Variants in ME3 observed in about 807,000 individuals in gnomAD.
ME3 encodes the protein malic enzyme 3.
In ME3, 48 loss-of-function variants were observed where a neutral mutation model predicts 68.9. The ratio of observed to expected loss-of-function variants is 0.70; its 90% CI spans 0.55 to 0.89. The LOEUF is 0.89. Among genes scored for constraint, ME3 ranks in the 40% least tolerant of loss-of-function variants. ME3 has a pLI of 0.00. For missense variants in ME3, 675 were observed against 797.4 expected, an observed-to-expected ratio of 0.85 and a Z score of 1.85; for synonymous variants, 320 against 318.8, an observed-to-expected ratio of 1.00 and a Z score of -0.04.
chr11:86,553,940 C>T (rs1407998639), intron 4 of ME3, among the ~76,000 whole-genome samples: 1 of 152,098 alleles, frequency 6.6e-6, no homozygotes, highest in East Asian at 1.9e-4. Flanking sequence ...TGGCTTGGGC[C>T]CTGGCTTTGC....
At chr11:86,531,580 CAA>C (rs1265131897) in intron 4 of ME3, among the ~76,000 whole-genome samples, 4 of 152,128 alleles carry the variant, frequency 2.6e-5, no homozygotes, top group Non-Finnish European at 5.9e-5. Context: ...TTCAGAATAG[CAA>C]AGACTTGGAA....
At chr11:86,613,178 T>G (rs1942715346) in intron 2 of ME3, among the ~76,000 whole-genome samples, 1 of 152,230 alleles carries the variant, frequency 6.6e-6, no homozygotes, top group Non-Finnish European at 1.5e-5. Context: ...CTTTCCCCAT[T>G]GCTTATTTTT....
Position 86,508,870 on chromosome 11 carries a change from A to G in ME3, c.468-3T>C, listed in dbSNP as rs765799646. ...CATGAATGGTGATGAACAGTCCACT[A>G]AAAGAAATAAAACACGTACACACAG... On this transcript the variant is annotated splice_region_variant and splice_polypyrimidine_tract_variant and intron_variant, in intron 4 of 14. Transcript: ENST00000543262. The G allele has an allele frequency of 1.9e-6, 3 of 1,610,422 alleles. No individual in the cohort carries two copies. The highest frequency in any genetic ancestry group is 2.2e-5 in the South Asian group (2 of 91,006).
At chr11:86,437,639 G>A (rs1407995524), downstream of ME3, among the ~76,000 whole-genome samples, 1 of 152,056 alleles carries the variant, frequency 6.6e-6, no homozygotes, top group Non-Finnish European at 1.5e-5. Flanking sequence ...ATTTCTATCA[G>A]CAATGTTTTG....
At chr11:86,580,640 TGTC>T (rs1266869045) in intron 2 of ME3, among the ~76,000 whole-genome samples, 1 of 152,210 alleles carries the variant, frequency 6.6e-6, no homozygotes, top group Non-Finnish European at 1.5e-5. Context: ...ATTTCAGTTT[TGTC>T]CTTCTGCCAC....
intron 4 of ME3, among the ~76,000 whole-genome samples, chr11:86,544,165 G>A (rs1019285677): frequency 2.0e-5 from 3 of 152,178 alleles, no homozygotes; most frequent in Admixed American, 6.5e-5. Context: ...GGTGTTTAGA[G>A]GGAAACTTAT....
At chr11:86,650,686 AT>A (rs1184810879) in intron 2 of ME3, among the ~76,000 whole-genome samples, 1 of 152,014 alleles carries the variant, frequency 6.6e-6, no homozygotes, top group Non-Finnish European at 1.5e-5. Flanking sequence ...AAGATGAATG[AT>A]TTATGCATTT....
intron 5 of ME3, among the ~76,000 whole-genome samples, chr11:86,504,166 G>A (rs1952907260): frequency 6.6e-6 from 1 of 152,024 alleles, no homozygotes; most frequent in African/African-American, 2.4e-5. Context: ...TTGATTCAGA[G>A]GCTCCTCTGA....
chr11:86,502,757 G>A (rs755197527), intron 5 of ME3, among the ~76,000 whole-genome samples: 3 of 152,156 alleles, frequency 2.0e-5, no homozygotes, highest in Non-Finnish European at 4.4e-5. Flanking sequence ...CTGTCTCTCT[G>A]ATGGCTCAGG....
At chr11:86,564,397 G>C (rs1274714675) in intron 2 of ME3, among the ~76,000 whole-genome samples, 4 of 150,722 alleles carry the variant, frequency 2.7e-5, no homozygotes, top group Admixed American at 2.0e-4. Flanking sequence ...GACTAGCAAG[G>C]GACCCCGAAC....
rs563738961 is a variant in ME3, at chr11:86,617,045, G to GTTTTTTTTTTTTTTT, written c.183+54702_183+54716dup. ...ACATCTAAAATACTCCAAGATAGTA[G>GTTTTTTTTTTTTTTT]TTTTTTTTTTTTTTTTTTTTTTTTT... On this transcript the variant is annotated intron_variant, in intron 2 of 14. Transcript: ENST00000543262. 7.3e-4 allele frequency among the ~76,000 whole-genome samples: 41 copies of GTTTTTTTTTTTTTTT among 56,322 alleles called. 7 individuals are homozygous for GTTTTTTTTTTTTTTT. The highest frequency in any genetic ancestry group is 1.0e-3 in the Non-Finnish European group (32 of 32,062). 36.9% of individuals were successfully genotyped at this position (56,322 alleles called of 152,430 possible).
At chr11:86,570,924 G>A (rs1387445524) in intron 2 of ME3, among the ~76,000 whole-genome samples, 1 of 152,190 alleles carries the variant, frequency 6.6e-6, no homozygotes, top group Non-Finnish European at 1.5e-5. Flanking sequence ...TTCCTCCCCT[G>A]GCTGTGTGAT....
chr11:86,444,052 G>A (rs1287488584), intron 13 of ME3, among the ~76,000 whole-genome samples: 3 of 152,176 alleles, frequency 2.0e-5, no homozygotes, highest in Non-Finnish European at 4.4e-5. Context: ...ATGGAGACTG[G>A]TGTCAGTGGA....
intron 7 of ME3, among the ~76,000 whole-genome samples, chr11:86,485,975 C>G (rs576191285): frequency 3.3e-5 from 5 of 152,322 alleles, no homozygotes; most frequent in East Asian, 3.9e-4. Context: ...CATTCTCCCA[C>G]TCTCCTAGAT....
Position 86,575,523 on chromosome 11 carries a change from T to G in ME3, c.184-15700A>C, listed in dbSNP as rs576857819. On this transcript the variant is annotated intron_variant, in intron 2 of 14. Transcript: ENST00000543262. ...TTAACAATGATAGGAATAACTAATG[T>G]AGCATCATTGGCCCCTTTCTCTGAG... 4.1e-5 allele frequency among the ~76,000 whole-genome samples: 6 copies of G among 147,470 alleles called. No individual in the cohort carries two copies. The East Asian group carries it at 1.2e-3, about 28-fold the overall frequency.
intron 4 of ME3, among the ~76,000 whole-genome samples, chr11:86,525,752 C>G (rs925147916): frequency 4.0e-5 from 6 of 151,184 alleles, no homozygotes; most frequent in Non-Finnish European, 7.4e-5. Flanking sequence ...TCTCAGTTAC[C>G]GAGGGAGACC....
chr11:86,617,047 T>TTTTTTG (rs1943013775), intron 2 of ME3, among the ~76,000 whole-genome samples: 1 of 37,140 alleles, frequency 2.7e-5, no homozygotes, highest in Non-Finnish European at 5.2e-5. Context: ...AGATAGTAGT[T>TTTTTTG]TTTTTTTTTT....
intron 2 of ME3, among the ~76,000 whole-genome samples, chr11:86,653,291 C>T (rs866981598): frequency 1.3e-5 from 2 of 152,156 alleles, no homozygotes; most frequent in South Asian, 2.1e-4. Context: ...ACAGATTATA[C>T]ATTATTTTCA....
intron 7 of ME3, among the ~76,000 whole-genome samples, chr11:86,479,735 G>A (rs1482462773): frequency 6.6e-6 from 1 of 152,124 alleles, no homozygotes; most frequent in Non-Finnish European, 1.5e-5. Flanking sequence ...GGGTACTGAA[G>A]TCTTCCCTAA....
Sources: gnomAD v4.1 joint callset for allele counts (sites outside exome capture counted in the v4.1 genomes callset) on GRCh38, gnomAD v4.1.1 for gene constraint, MANE v1.5 for transcripts, NCBI Gene and HGNC (gene_info 2026-07-23, HGNC 2026-07-21) for gene names.